The following POU6F2 variants were observed in gnomAD, a reference collection of about 807,000 sequenced individuals.
POU6F2 encodes POU class 6 homeobox 2, also known as POU domain, class 6, transcription factor 2.
A neutral mutation model predicts 71.3 loss-of-function variants in POU6F2; 31 were observed. That is an observed-to-expected ratio of 0.43 (90% CI 0.33 to 0.59). The LOEUF (loss-of-function observed/expected upper bound fraction) is 0.59. Ranked by LOEUF, POU6F2 falls within the 20% of genes least tolerant of loss-of-function variation. POU6F2 has a pLI of 0.04. For missense variants in POU6F2, 783 were observed against 856.8 expected (o/e 0.91, Z 1.07); for synonymous variants, 347 against 355.7 (o/e 0.98, Z 0.27).
intron 6 of POU6F2, among the ~76,000 whole-genome samples, chr7:39,423,464 A>T (rs1049846003): frequency 1.4e-4 from 21 of 152,286 alleles, no homozygotes; most frequent in Middle Eastern, 3.4e-3. Flanking sequence ...GGCCCTCAGA[A>T]AGGATTTGCT....
In POU6F2 at chr7:39,438,100, C is replaced by T. The variant is rs552917850; in HGVS notation, c.1320+4817C>T. Among the ~76,000 whole-genome samples, 64 of 152,300 alleles carry T rather than the reference C, an allele frequency of 4.2e-4. 1 individual carries two copies. Among genetic ancestry groups the T allele is most frequent in the Admixed American group, 2.8e-3 (43 of 15,292 alleles). Reference sequence around the variant, plus strand: ...CCTAATGCTATCTCTCCCCCATCCCCCTACCCCACAACAGGCCCCGGTGTG... The same window carrying T: ...CCTAATGCTATCTCTCCCCCATCCCTCTACCCCACAACAGGCCCCGGTGTG... On this transcript the variant is annotated intron_variant, in intron 7 of 9. Coordinates refer to ENST00000518318, the MANE Select transcript of POU6F2 (RefSeq NM_001370959.1).
At chr7:39,151,163 A>C (rs1033390000) in intron 2 of POU6F2, among the ~76,000 whole-genome samples, 1 of 152,104 alleles carries the variant, frequency 6.6e-6, no homozygotes, top group Non-Finnish European at 1.5e-5. Context: ...GCTATTAAAC[A>C]TGGGTTTTCT....
chr7:39,373,158 T>C lies in POU6F2; in HGVS notation c.972+33143T>C, dbSNP rs918300305. Among the ~76,000 whole-genome samples the C allele has an allele frequency of 2.0e-5, 3 of 152,178 alleles. 1 individual carries two copies. The highest frequency in any genetic ancestry group is 6.5e-5 in the Admixed American group (1 of 15,278). On this transcript the variant is annotated intron_variant, in intron 5 of 9. Transcript: ENST00000518318. ...TATCAATCAGGATTAAATTAGTATT[T>C]GTAAAGTTCTTAGAACAATGCCTGA...
chr7:39,106,366 C>G (rs1309835940), intron 2 of POU6F2, among the ~76,000 whole-genome samples: 1 of 152,194 alleles, frequency 6.6e-6, no homozygotes, highest in Admixed American at 6.5e-5. Context: ...AACATCCCCT[C>G]CATGTTCCAG....
chr7:39,312,916 T>C (rs1281090133), intron 4 of POU6F2, among the ~76,000 whole-genome samples: 5 of 152,146 alleles, frequency 3.3e-5, no homozygotes, highest in Admixed American at 3.3e-4. Context: ...ATTTAAAGTT[T>C]GTAAGTGGTT....
At chr7:39,353,015 C>T (rs770583856) in intron 5 of POU6F2, among the ~76,000 whole-genome samples, 9 of 152,192 alleles carry the variant, frequency 5.9e-5, no homozygotes, top group Non-Finnish European at 1.0e-4. Context: ...TATAAAAACA[C>T]GTTTTCTTGA....
intron 5 of POU6F2, among the ~76,000 whole-genome samples, chr7:39,364,033 T>C (rs1384969911): frequency 6.6e-6 from 1 of 152,082 alleles, no homozygotes; most frequent in Non-Finnish European, 1.5e-5. Flanking sequence ...AACTTCCTAT[T>C]TATATCTTAG....
At chr7:39,210,382 C>T (rs1270755526) in intron 4 of POU6F2, among the ~76,000 whole-genome samples, 1 of 151,760 alleles carries the variant, frequency 6.6e-6, no homozygotes. Context: ...TCTTCTAGCT[C>T]AAAAGTCACA....
At chr7:39,399,754 G>T (rs551901842) in intron 5 of POU6F2, among the ~76,000 whole-genome samples, 1 of 152,180 alleles carries the variant, frequency 6.6e-6, no homozygotes, top group East Asian at 1.9e-4. Context: ...GGAGGCTGAG[G>T]TGGGAGGATG....
At chr7:39,128,773 G>T (rs1792194886) in intron 2 of POU6F2, among the ~76,000 whole-genome samples, 1 of 152,208 alleles carries the variant, frequency 6.6e-6, no homozygotes. Context: ...CTGGCAGCCA[G>T]ATAGAAACCA....
At chr7:39,300,199 T>C (rs527691765) in intron 4 of POU6F2, among the ~76,000 whole-genome samples, 1 of 152,298 alleles carries the variant, frequency 6.6e-6, no homozygotes, top group Admixed American at 6.5e-5. Flanking sequence ...AAACGTGACT[T>C]TATAAAAGTT....
intron 5 of POU6F2, among the ~76,000 whole-genome samples, chr7:39,341,328 A>G (rs572206719): frequency 6.6e-5 from 10 of 152,280 alleles, no homozygotes; most frequent in East Asian, 5.8e-4. Context: ...GCTACTTTCA[A>G]TTTGAACATT....
chr7:39,318,491 C>T (rs1785317818), intron 4 of POU6F2, among the ~76,000 whole-genome samples: 1 of 152,054 alleles, frequency 6.6e-6, no homozygotes, highest in South Asian at 2.1e-4. Context: ...AGAAACTTAC[C>T]CCTCTCCTCA....
intron 1 of POU6F2, among the ~76,000 whole-genome samples, chr7:39,085,403 A>G (rs1475194299): frequency 2.6e-5 from 4 of 151,892 alleles, no homozygotes; most frequent in Non-Finnish European, 5.9e-5. Flanking sequence ...AAGGCTTCTT[A>G]AAATAGCCCG....
At chr7:39,014,394 T>G (rs1400215529) in intron 1 of POU6F2, among the ~76,000 whole-genome samples, 1 of 152,102 alleles carries the variant, frequency 6.6e-6, no homozygotes, top group Non-Finnish European at 1.5e-5. Flanking sequence ...AAAATGAAGG[T>G]GAACATACTG....
intron 1 of POU6F2, among the ~76,000 whole-genome samples, chr7:39,012,289 G>A (rs989894888): frequency 8.6e-5 from 13 of 151,948 alleles, no homozygotes; most frequent in Non-Finnish European, 1.9e-4. Context: ...TTCCATTGCT[G>A]ATACCCTTTC....
At position 39,232,262 on chromosome 7, in the gene POU6F2, G is replaced by A. The variant is rs570787647; in HGVS notation, c.598+24642G>A. Among the ~76,000 whole-genome samples, 125 of 152,140 alleles carry A rather than the reference G, an allele frequency of 8.2e-4. 2 individuals carry two copies. Among genetic ancestry groups the A allele is most frequent in the African/African-American group, 2.8e-3 (116 of 41,510 alleles). On this transcript the variant is annotated intron_variant, in intron 4 of 9. Coordinates refer to ENST00000518318, the MANE Select transcript of POU6F2 (RefSeq NM_001370959.1). ...TCTGATATTAACTAGATGTTTGTTA[G>A]CTGTTCTTCTTTCCAAGCACAAAGG... is the stretch of plus-strand genomic sequence containing the variant.
intron 1 of POU6F2, among the ~76,000 whole-genome samples, chr7:39,014,297 A>G (rs1000826431): frequency 1.3e-5 from 2 of 152,162 alleles, no homozygotes; most frequent in African/African-American, 4.8e-5. Context: ...ATTGTTTCAG[A>G]CAGGGTGTGG....
chr7:39,255,429 T>G (rs941814174), intron 4 of POU6F2, among the ~76,000 whole-genome samples: 2 of 152,188 alleles, frequency 1.3e-5, no homozygotes, highest in African/African-American at 4.8e-5. Context: ...ATTCTTCGTG[T>G]TACGACTCAG....
Sources: allele counts gnomAD v4.1 joint callset (sites outside exome capture counted in the v4.1 genomes callset), GRCh38; gene constraint gnomAD v4.1.1; transcripts MANE v1.5; gene names NCBI Gene and HGNC (gene_info 2026-07-23, HGNC 2026-07-21).